Variants in CPT2 observed in about 807,000 individuals in gnomAD.
CPT2 encodes the protein carnitine O-palmitoyltransferase 2, mitochondrial.
CPT2 carries 37 observed loss-of-function variants against 48.6 expected under a neutral mutation model. The observed-to-expected ratio is 0.76, with a 90% confidence interval of 0.59 to 1.00. CPT2 has a LOEUF of 1.00. CPT2 is among the 50% of genes least tolerant of loss of function. The pLI is 0.00. For synonymous variants in CPT2, 319 were observed against 326.9 expected, an observed-to-expected ratio of 0.98 and a Z score of 0.26; for missense variants, 772 against 825.6, an observed-to-expected ratio of 0.94 and a Z score of 0.80.
chr1:53,213,213 T>C, intron 4 of CPT2, 51 bp from the exon 5 acceptor site: 1 of 1,598,876 alleles, frequency 6.3e-7, no homozygotes, highest in Non-Finnish European at 8.5e-7. Flanking sequence ...GAGGTTTTCC[T>C]GAGGTCCTTT....
chr1:53,212,067 AT>A (rs11441059), intron 4 of CPT2, among the ~76,000 whole-genome samples: 10 of 138,832 alleles, frequency 7.2e-5, no homozygotes, highest in African/African-American at 8.0e-5. Flanking sequence ...TGATATTTTA[AT>A]TTTTTTTTTT....
intron 3 of CPT2, chr1:53,208,615 G>A (rs545607925): frequency 1.3e-5 from 2 of 152,314 alleles, no homozygotes; most frequent in South Asian, 2.1e-4. Flanking sequence ...CAATGAAGAC[G>A]TTCCCCCCTT....
chr1:53,201,855 A>C (rs974511628), intron 2 of CPT2: 1 of 177,606 alleles, frequency 5.6e-6, no homozygotes, highest in African/African-American at 2.4e-5. Context: ...AATAGCTACC[A>C]GTTATTGAGT....
At chr1:53,197,296 C>T (rs1289086418) in intron 1 of CPT2, 2 of 668,372 alleles carry the variant, frequency 3.0e-6, no homozygotes, top group East Asian at 5.7e-5. Context: ...CTCAAATTCT[C>T]TTCCAGAACC....
intron 4 of CPT2, chr1:53,212,857 CTT>C: frequency 2.2e-6 from 1 of 447,484 alleles, no homozygotes; most frequent in Non-Finnish European, 3.9e-6. Flanking sequence ...GTCAAACAGA[CTT>C]TCCATTTTGT....
Position 53,210,798 on chromosome 1 carries a change from G to T in CPT2, c.1124G>T (p.Gly375Val), listed in dbSNP as rs772843417. The T allele has an allele frequency of 2.5e-6, 4 of 1,614,200 alleles. No individual in the cohort carries two copies. In the Admixed American group the frequency reaches 6.7e-5, roughly 27 times the overall value. Residue 375 changes from glycine (G) to valine (V), a missense_variant, in exon 4 of 5, where the codon GGT (glycine) becomes GTT (valine). Gly to Val is a moderately radical substitution (Grantham distance 109). Transcript: ENST00000371486. ...STAVHFEHSW[G>V]DGVAVLRFFN... The stretch of plus-strand genomic sequence containing the variant: ...GCCGTCCACTTTGAGCACTCTTGGG[G>T]TGATGGTGTGGCAGTGCTCAGATTT...
chr1:53,202,234 C>G, intron 2 of CPT2, 89 bp from the exon 3 acceptor site: 1 of 1,039,788 alleles, frequency 9.6e-7, no homozygotes, highest in Non-Finnish European at 1.5e-6. Flanking sequence ...GTTGGGGACC[C>G]AAAACTCTAT....
chr1:53,198,329 C>T (rs946733203), intron 1 of CPT2, among the ~76,000 whole-genome samples: 1 of 152,224 alleles, frequency 6.6e-6, no homozygotes, highest in African/African-American at 2.4e-5. Context: ...GGTTGTTTTT[C>T]TCTGCATCTG....
rs375793186 is a variant in CPT2, at chr1:53,213,255, T to C, written c.1646-9T>C. The C allele has an allele frequency of 6.2e-7, 1 of 1,614,028 alleles. No homozygotes were observed. The highest frequency in any genetic ancestry group is 8.5e-7 in the Non-Finnish European group (1 of 1,180,022). ...CTGAGACTCTGGTTTTCCATTTTGT[T>C]TCTCACAGGCCAGGGCTTTGACCGA... On this transcript the variant is annotated splice_polypyrimidine_tract_variant and intron_variant, in intron 4 of 4. Coordinates refer to ENST00000371486, the MANE Select transcript of CPT2 (RefSeq NM_000098.3).
At chr1:53,211,447 A>G (rs80332673) in intron 4 of CPT2, 128 bp downstream of exon 4, 7 of 1,002,798 alleles carry the variant, frequency 7.0e-6, no homozygotes, top group South Asian at 1.5e-5. Context: ...CAACTCCCCA[A>G]ATTTTTCTTT....
At chr1:53,212,757 A>G (rs906732572) in intron 4 of CPT2, 27 of 410,854 alleles carry the variant, frequency 6.6e-5, no homozygotes, top group African/African-American at 4.3e-4. Context: ...AGACATTCTA[A>G]TCTTCTCTTC....
Position 53,206,601 on chromosome 1 carries a change from C to G in CPT2, c.341-3414C>G, listed in dbSNP as rs187669514. ...CATGGAGTCAAAGATTATTTTGGAGCTTTAAGATTTAATGGCTGCCCTGCT... is the reference window on the plus strand; with the variant it reads ...CATGGAGTCAAAGATTATTTTGGAGGTTTAAGATTTAATGGCTGCCCTGCT... On this transcript the variant is annotated intron_variant, in intron 3 of 4. Coordinates refer to ENST00000371486, the MANE Select transcript of CPT2 (RefSeq NM_000098.3). 4.6e-5 allele frequency among the ~76,000 whole-genome samples: 7 copies of G among 152,368 alleles called. 1 individual carries two copies. The highest frequency in any genetic ancestry group is 3.9e-4 in the Admixed American group (6 of 15,306).
rs375766702 is a variant in CPT2, at chr1:53,213,519, G to A, written c.1901G>A (p.Arg634Gln). 3.2e-5 allele frequency: 51 copies of A among 1,614,128 alleles called. No individual in the cohort carries two copies. The highest frequency in any genetic ancestry group is 5.0e-5 in the Admixed American group (3 of 60,012). ...NVSSYPGRNA[R>Q]EFLQCVEKAL... ...TCTTCCTACCCAGGCCGCAATGCCC[G>A]GGAGTTTCTCCAATGTGTGGAGAAG... Residue 634 changes from arginine (R) to glutamine (Q), a missense_variant, in exon 5 of 5, where the codon CGG becomes CAG. Physicochemically the swap from Arg to Gln is conservative, Grantham distance 43 (BLOSUM62 1). Transcript: ENST00000371486.
intron 3 of CPT2, chr1:53,208,206 G>A (rs1645399944): frequency 6.6e-6 from 1 of 152,216 alleles, no homozygotes; most frequent in Admixed American, 6.5e-5. Context: ...CTTCACCAGA[G>A]TTTTTCAGAA....
intron 4 of CPT2, among the ~76,000 whole-genome samples, chr1:53,211,950 T>A (rs1645431368): frequency 6.6e-6 from 1 of 151,622 alleles, no homozygotes; most frequent in Non-Finnish European, 1.5e-5. Flanking sequence ...TGGAGTACAG[T>A]GGTGCAATCA....
At chr1:53,213,017 A>G (rs1019362332) in intron 4 of CPT2, among the ~76,000 whole-genome samples, 3 of 152,162 alleles carry the variant, frequency 2.0e-5, no homozygotes, top group African/African-American at 7.2e-5. Context: ...TTTTAGGCTC[A>G]TTTTTAGCTC....
At chr1:53,209,761 A>G in intron 3 of CPT2, 1 of 469,632 alleles carries the variant, frequency 2.1e-6, no homozygotes, top group Non-Finnish European at 3.9e-6. Context: ...GGGCGACAGG[A>G]GCGAGCCTCC....
At chr1:53,211,618 T>G in intron 4 of CPT2, 1 of 411,710 alleles carries the variant, frequency 2.4e-6, no homozygotes, top group Admixed American at 4.0e-5. Context: ...TTTTTTTTTT[T>G]GGAGACAAGA....
At chr1:53,206,689 T>A (rs768257272) in intron 3 of CPT2, among the ~76,000 whole-genome samples, 1 of 152,238 alleles carries the variant, frequency 6.6e-6, no homozygotes, top group Non-Finnish European at 1.5e-5. Context: ...CCTTTTGGAA[T>A]GGGAGCATTT....
Sources: gnomAD v4.1 joint callset for allele counts (sites outside exome capture counted in the v4.1 genomes callset) on GRCh38, gnomAD v4.1.1 for gene constraint, MANE v1.5 for transcripts, NCBI Gene and HGNC (gene_info 2026-07-23, HGNC 2026-07-21) for gene names.